Variants in DGKD observed in about 807,000 individuals in gnomAD.
DGKD encodes the protein DAG kinase delta.
A neutral mutation model predicts 154.4 loss-of-function variants in DGKD; 68 were observed. The observed-to-expected ratio is 0.44, with a 90% CI of 0.36 to 0.54. The LOEUF (loss-of-function observed/expected upper bound fraction) is 0.54. Ranked by LOEUF, DGKD falls within the 20% of genes least tolerant of loss-of-function variation. The pLI is 0.00. For synonymous variants in DGKD, 693 were observed against 638.0 expected (o/e 1.09, Z -1.30); for missense variants, 1,343 against 1,593.6 (o/e 0.84, Z 2.68).
chr2:233,420,170 G>C (rs897395120), intron 3 of DGKD, among the ~76,000 whole-genome samples: 4 of 152,152 alleles, frequency 2.6e-5, no homozygotes, highest in African/African-American at 9.7e-5. Flanking sequence ...GTGAATTCCA[G>C]GCTCAGGCGC....
chr2:233,447,642 A>T (rs1351793219), intron 12 of DGKD: 8 of 1,004,104 alleles, frequency 8.0e-6, no homozygotes, highest in Non-Finnish European at 9.5e-6. Context: ...TCCCACAGGG[A>T]TAGGGCTGCC....
Position 233,444,509 on chromosome 2 carries a change from GC to G in DGKD, c.1195-1109del, listed in dbSNP as rs149667836. Reference sequence around the variant, plus strand: ...CCTCCTCTTCACTGAGCTCTGCCTTGCCCCCTCCCAGTGGTGTCTCCCTGCC... The same window carrying G: ...CCTCCTCTTCACTGAGCTCTGCCTTGCCCCTCCCAGTGGTGTCTCCCTGCC... On this transcript the variant is annotated intron_variant, in intron 10 of 29. Transcript: ENST00000264057. Among the ~76,000 whole-genome samples, 1,470 of 151,572 alleles carry G rather than the reference GC, an allele frequency of 9.7e-3. 26 individuals carry two copies. Among genetic ancestry groups the G allele is most frequent in the African/African-American group, 0.033 (1,374 of 41,274 alleles).
Position 233,438,257 on chromosome 2 carries a change from A to T in DGKD, c.963A>T (p.Pro321=). ...KASCPPSCTS[P]LLVFVNSKSG... The stretch of plus-strand genomic sequence containing the variant: ...GCTGTCCTCCTTCTTGCACAAGCCC[A>T]CTGTTGGTCTTCGTCAATTCAAAAA... Residue 321 remains proline (P), a synonymous_variant, in exon 9 of 30, where the codon CCA becomes CCT. Transcript: ENST00000264057. This position sits in a 1 kb window ranked among gnomAD's most constrained non-coding sequence, Gnocchi z 4.1. 6.2e-7 allele frequency: 1 copy of T among 1,614,156 alleles called. No homozygotes were observed. Among genetic ancestry groups the T allele is most frequent in the Non-Finnish European group, 8.5e-7 (1 of 1,180,028 alleles).
chr2:233,381,983 C>T (rs560515878), intron 1 of DGKD, among the ~76,000 whole-genome samples: 1 of 152,312 alleles, frequency 6.6e-6, no homozygotes, highest in African/African-American at 2.4e-5. Context: ...CCTGTGATCC[C>T]AGCACTTTGG....
At position 233,448,362 on chromosome 2, in the gene DGKD, T is replaced by A. The variant is rs775883456; in HGVS notation, c.1601T>A (p.Val534Asp). 1.2e-6 allele frequency: 2 copies of A among 1,613,074 alleles called. No individual in the cohort carries two copies. The highest frequency in any genetic ancestry group is 3.3e-5 in the Admixed American group (2 of 59,936). ...ACCGAGAGCTCGGAGGAGTCAGAGGTCATGGCCAAGAAGGTCTGTTCCCGT... is the reference window on the plus strand; with the variant it reads ...ACCGAGAGCTCGGAGGAGTCAGAGGACATGGCCAAGAAGGTCTGTTCCCGT... ...KTTESSEESE[V>D]MAKKCSVLKE... Residue 534 changes from valine (V) to aspartate (D), a missense_variant, in exon 14 of 30, where the codon GTC becomes GAC. Physicochemically the swap from Val to Asp is radical, Grantham distance 152. This residue lies in a region of DGKD where 409 missense variants were observed against 446.0 expected (regional missense o/e 0.92). Coordinates refer to ENST00000264057, the MANE Select transcript of DGKD (RefSeq NM_152879.3).
intron 3 of DGKD, among the ~76,000 whole-genome samples, chr2:233,403,687 C>T (rs959235692): frequency 2.6e-5 from 4 of 151,398 alleles, no homozygotes; most frequent in Non-Finnish European, 4.4e-5. Flanking sequence ...TTGCCCAGGC[C>T]GGAGTGTAGT....
chr2:233,464,659 G>A (rs1035732709), intron 27 of DGKD, among the ~76,000 whole-genome samples: 2 of 152,230 alleles, frequency 1.3e-5, no homozygotes, highest in Admixed American at 6.5e-5. Context: ...TGGACAGGGC[G>A]CAGTTGGTGT....
Position 233,438,498 on chromosome 2 carries a change from C to T in DGKD, c.1085+119C>T. 7.9e-7 allele frequency: 1 copy of T among 1,258,804 alleles called. No individual in the cohort carries two copies. The highest frequency in any genetic ancestry group is 2.5e-5 in the East Asian group (1 of 39,610). 78.0% of individuals were successfully genotyped at this position (1,258,804 alleles called of 1,614,324 possible). ...CTTTAAATAGGAAAGAAAAGTTGAA[C>T]TGCTTCCTTCCCAAATTGCACTTGC... On this transcript the variant is annotated intron_variant, in intron 9 of 29. Coordinates refer to ENST00000264057, the MANE Select transcript of DGKD (RefSeq NM_152879.3). This position sits in a 1 kb window ranked among gnomAD's most constrained non-coding sequence, Gnocchi z 4.1.
chr2:233,427,885 C>T lies in DGKD; in HGVS notation c.349-6495C>T, dbSNP rs372335866. Reference sequence around the variant, plus strand: ...CTCTTAGTATTCCTTAGAGCATCTCCCTGCACCCTGCCACCTGCCCTGGTG... The same window carrying T: ...CTCTTAGTATTCCTTAGAGCATCTCTCTGCACCCTGCCACCTGCCCTGGTG... On this transcript the variant is annotated intron_variant, in intron 3 of 29. Coordinates refer to ENST00000264057, the MANE Select transcript of DGKD (RefSeq NM_152879.3). Among the ~76,000 whole-genome samples the T allele has an allele frequency of 3.9e-5, 6 of 152,316 alleles. No individual in the cohort carries two copies. The East Asian group carries it at 1.2e-3, about 29-fold the overall frequency.
At chr2:233,390,016 C>T (rs931957123) in intron 2 of DGKD, among the ~76,000 whole-genome samples, 4 of 152,192 alleles carry the variant, frequency 2.6e-5, no homozygotes, top group African/African-American at 7.2e-5. Context: ...GTCCAGACCC[C>T]GGCCTTCCCT....
chr2:233,396,901 A>G (rs1704082245), intron 3 of DGKD, among the ~76,000 whole-genome samples: 1 of 133,096 alleles, frequency 7.5e-6, no homozygotes, highest in Admixed American at 7.3e-5. Context: ...CCAGAGCAAG[A>G]GGACACCAGA....
chr2:233,375,514 G>T (rs1190366149), intron 1 of DGKD, among the ~76,000 whole-genome samples: 1 of 152,122 alleles, frequency 6.6e-6, no homozygotes, highest in South Asian at 2.1e-4. Flanking sequence ...GCACATGCCA[G>T]GGGAGAGGAG....
At chr2:233,381,557 G>C (rs1702907595) in intron 1 of DGKD, among the ~76,000 whole-genome samples, 1 of 152,218 alleles carries the variant, frequency 6.6e-6, no homozygotes, top group Non-Finnish European at 1.5e-5. Flanking sequence ...TTGGTGTGAA[G>C]ATTAAAAGAT....
chr2:233,377,322 G>C (rs543611715), intron 1 of DGKD, among the ~76,000 whole-genome samples: 9 of 152,266 alleles, frequency 5.9e-5, no homozygotes, highest in African/African-American at 2.2e-4. Context: ...AACCTCAGGT[G>C]ATCCACCCGC....
Position 233,454,773 on chromosome 2 carries a change from A to G in DGKD, c.2275A>G (p.Thr759Ala). The G allele has an allele frequency of 6.2e-7, 1 of 1,608,936 alleles. No individual in the cohort carries two copies. The highest frequency in any genetic ancestry group is 2.2e-5 in the East Asian group (1 of 44,860). ...AACTCACCTTTGCAGAGAGTATTACACGGAGAAATGTGTCATGAACAACTA... is the reference window on the plus strand; with the variant it reads ...AACTCACCTTTGCAGAGAGTATTACGCGGAGAAATGTGTCATGAACAACTA... ...NSEPETLEYY[T>A]EKCVMNNYFG... Residue 759 changes from threonine to alanine, a missense_variant, in exon 19 of 30, where the codon ACG becomes GCG. Physicochemically the swap from Thr to Ala is moderately conservative, Grantham distance 58. Transcript: ENST00000264057.
rs546887588 is a variant in DGKD, at chr2:233,457,115, T to C, written c.2473-106T>C. The C allele has an allele frequency of 1.3e-3, 1,742 of 1,293,918 alleles. 2 individuals are homozygous for C. Among genetic ancestry groups the C allele is most frequent in the Non-Finnish European group, 1.8e-3 (1,660 of 904,110 alleles). The allele number at this position is 1,293,918 out of a possible 1,614,324, so 80.2% of individuals were successfully genotyped here. ...CACAGGGACTTGCCTGGGGATGCCCTGGCCACGGCTGTGCTCCTGAGCCCC... is the reference window on the plus strand; with the variant it reads ...CACAGGGACTTGCCTGGGGATGCCCCGGCCACGGCTGTGCTCCTGAGCCCC... On this transcript the variant is annotated intron_variant, in intron 20 of 29. Coordinates refer to ENST00000264057, the MANE Select transcript of DGKD (RefSeq NM_152879.3). The surrounding 1 kb of genome is among the most constrained non-coding windows in gnomAD (Gnocchi z 5.5).
intron 1 of DGKD, among the ~76,000 whole-genome samples, chr2:233,369,943 G>A (rs1702229798): frequency 6.6e-6 from 1 of 152,136 alleles, no homozygotes; most frequent in Non-Finnish European, 1.5e-5. Flanking sequence ...GATGAATGGT[G>A]CTTTGTCCTT....
Position 233,459,780 on chromosome 2 carries a change from C to T in DGKD, c.2718C>T (p.Ile906=). 1 of 1,613,406 alleles carries T rather than the reference C, an allele frequency of 6.2e-7. No individual in the cohort carries two copies. The highest frequency in any genetic ancestry group is 8.5e-7 in the Non-Finnish European group (1 of 1,179,706). The change falls in exon 23 of 30, where the codon ATC becomes ATT. Residue 906 remains isoleucine, a synonymous_variant. Transcript: ENST00000264057. The surrounding 1 kb of genome is among the most constrained non-coding windows in gnomAD (Gnocchi z 5.7). ...AGTGTCGCACGGTGAAGATCTCCAT[C>T]CTTGGGGATGAGGGCGTGCCTGTGC... is the stretch of plus-strand genomic sequence containing the variant. ...IAQCRTVKIS[I]LGDEGVPVQV...
intron 3 of DGKD, among the ~76,000 whole-genome samples, chr2:233,412,485 T>C (rs1458986543): frequency 6.6e-6 from 1 of 152,254 alleles, no homozygotes; most frequent in Non-Finnish European, 1.5e-5. Context: ...TTAATTCTAG[T>C]AGTCATTGTG....
Sources: gnomAD v4.1 joint callset for allele counts (sites outside exome capture counted in the v4.1 genomes callset) on GRCh38, gnomAD v4.1.1 for gene constraint, gnomAD v4.1.1 regional missense constraint, Gnocchi (gnomAD v3.1) non-coding constraint, MANE v1.5 for transcripts, NCBI Gene and HGNC (gene_info 2026-07-23, HGNC 2026-07-21) for gene names.